The following NRXN1 variants were observed in gnomAD, a reference collection of about 807,000 sequenced individuals.
NRXN1 encodes the protein neurexin-1.
NRXN1 carries 39 observed loss-of-function variants against 150.9 expected under a neutral mutation model. That is an observed-to-expected ratio of 0.26 (90% CI 0.20 to 0.34). The LOEUF is 0.34. NRXN1 is among the 10% of genes least tolerant of loss of function. The pLI is 1.00. For synonymous variants in NRXN1, 924 were observed against 757.0 expected (o/e 1.22, Z -3.62); for missense variants, 1,815 against 1,949.9 (o/e 0.93, Z 1.30).
At chr2:50,431,109 C>T (rs2084928674) in intron 17 of NRXN1, among the ~76,000 whole-genome samples, 1 of 152,128 alleles carries the variant, frequency 6.6e-6, no homozygotes, top group African/African-American at 2.4e-5. Context: ...CTTATTAACC[C>T]CTTTCTACCT....
At position 50,531,856 on chromosome 2, in the gene NRXN1, G is replaced by C. The variant is rs934660865; in HGVS notation, c.2144-426C>G. 7.2e-5 allele frequency among the ~76,000 whole-genome samples: 11 copies of C among 151,920 alleles called. No individual in the cohort carries two copies. In the East Asian group the frequency reaches 2.0e-3, roughly 27 times the overall value. On this transcript the variant is annotated intron_variant, in intron 10 of 22. Coordinates refer to ENST00000401669, the MANE Select transcript of NRXN1 (RefSeq NM_001330078.2). ...TTGTTTTTGTTTGGGTTTTGTTGTTGTTTGTTTGTTTGAGACAAGGTCTGT... is the reference window on the plus strand; with the variant it reads ...TTGTTTTTGTTTGGGTTTTGTTGTTCTTTGTTTGTTTGAGACAAGGTCTGT...
At chr2:50,699,716 C>T (rs1426085368) in intron 5 of NRXN1, among the ~76,000 whole-genome samples, 3 of 152,064 alleles carry the variant, frequency 2.0e-5, no homozygotes, top group Non-Finnish European at 4.4e-5. Context: ...CAGAAAGGAA[C>T]ATGGCCCTGC....
At chr2:50,748,803 C>T (rs1700271004) in intron 5 of NRXN1, among the ~76,000 whole-genome samples, 1 of 152,054 alleles carries the variant, frequency 6.6e-6, no homozygotes, top group South Asian at 2.1e-4. Flanking sequence ...GTCAAGAGAC[C>T]CACAAATCAG....
intron 17 of NRXN1, among the ~76,000 whole-genome samples, chr2:50,380,448 T>A (rs1170422661): frequency 6.6e-6 from 1 of 152,132 alleles, no homozygotes; most frequent in South Asian, 2.1e-4. Flanking sequence ...TTCTTTTTTA[T>A]ATATTTGTAT....
At chr2:49,925,465 T>C (rs906679916) in intron 22 of NRXN1, among the ~76,000 whole-genome samples, 20 of 152,124 alleles carry the variant, frequency 1.3e-4, no homozygotes, top group African/African-American at 4.8e-4. Flanking sequence ...TTTATATTAA[T>C]GTAAATGTAG....
intron 5 of NRXN1, among the ~76,000 whole-genome samples, chr2:50,850,227 G>C (rs1171052204): frequency 7.5e-6 from 1 of 133,798 alleles, no homozygotes; most frequent in Non-Finnish European, 1.6e-5. Flanking sequence ...GACCTGTCTC[G>C]ACAGAAAAAA....
At chr2:50,145,950 G>A (rs1160540866) in intron 18 of NRXN1, among the ~76,000 whole-genome samples, 1 of 151,248 alleles carries the variant, frequency 6.6e-6, no homozygotes, top group African/African-American at 2.4e-5. Flanking sequence ...AGTAGTCTAG[G>A]GATGACAAAT....
intron 5 of NRXN1, among the ~76,000 whole-genome samples, chr2:50,874,196 C>G (rs953491312): frequency 6.6e-6 from 1 of 151,826 alleles, no homozygotes; most frequent in East Asian, 1.9e-4. Context: ...CAGATGCCAT[C>G]TTGATTTAGG....
intron 5 of NRXN1, among the ~76,000 whole-genome samples, chr2:50,901,590 T>G (rs1443272028): frequency 6.6e-6 from 1 of 152,128 alleles, no homozygotes; most frequent in Non-Finnish European, 1.5e-5. Context: ...GCTTTCAAAG[T>G]TCCCCACCTG....
intron 5 of NRXN1, among the ~76,000 whole-genome samples, chr2:50,762,538 A>T (rs1280529985): frequency 2.6e-5 from 4 of 151,658 alleles, no homozygotes; most frequent in Admixed American, 2.6e-4. Flanking sequence ...TGTCATCTTT[A>T]TGTCCATAGG....
At chr2:50,779,308 A>G (rs1185262238) in intron 5 of NRXN1, among the ~76,000 whole-genome samples, 2 of 152,154 alleles carry the variant, frequency 1.3e-5, no homozygotes, top group East Asian at 3.9e-4. Context: ...GCTGAGAATG[A>G]TGGTTTTTCA....
At chr2:50,302,912 GCCATCCATCCATCCAT>G (rs10540394) in intron 17 of NRXN1, among the ~76,000 whole-genome samples, 1 of 151,390 alleles carries the variant, frequency 6.6e-6, no homozygotes, top group Non-Finnish European at 1.5e-5. Flanking sequence ...AGTCTACCAG[GCCATCCATCCATCCAT>G]CCATCCATCC....
intron 17 of NRXN1, among the ~76,000 whole-genome samples, chr2:50,446,417 T>A (rs2086407482): frequency 7.7e-6 from 1 of 129,948 alleles, no homozygotes. Flanking sequence ...CCTTCCTTCC[T>A]TCCCTCCTTC....
intron 18 of NRXN1, among the ~76,000 whole-genome samples, chr2:50,142,989 A>T (rs1707489630): frequency 6.6e-6 from 1 of 151,950 alleles, no homozygotes; most frequent in Non-Finnish European, 1.5e-5. Context: ...AAAAACTAAG[A>T]AAAAATAATA....
intron 17 of NRXN1, among the ~76,000 whole-genome samples, chr2:50,399,345 T>A (rs773230036): frequency 1.3e-5 from 2 of 152,282 alleles, no homozygotes; most frequent in Non-Finnish European, 2.9e-5. Context: ...TATTTTCAAA[T>A]GTTTCTGGAA....
intron 17 of NRXN1, among the ~76,000 whole-genome samples, chr2:50,285,168 A>C (rs2071967675): frequency 6.6e-6 from 1 of 152,240 alleles, no homozygotes; most frequent in South Asian, 2.1e-4. Context: ...AAACAAGAAC[A>C]AACATGGTGT....
chr2:50,336,676 T>C (rs932659959), intron 17 of NRXN1, among the ~76,000 whole-genome samples: 1 of 152,198 alleles, frequency 6.6e-6, no homozygotes, highest in Non-Finnish European at 1.5e-5. Context: ...GTAGGGAAAG[T>C]ATTTGCCATC....
intron 5 of NRXN1, among the ~76,000 whole-genome samples, chr2:50,699,420 T>C (rs1299579595): frequency 6.6e-6 from 1 of 152,082 alleles, no homozygotes; most frequent in African/African-American, 2.4e-5. Context: ...GATCAACTCA[T>C]TGCATGAGTT....
At chr2:50,197,925 CTT>C (rs1383520586) in intron 18 of NRXN1, among the ~76,000 whole-genome samples, 1 of 152,170 alleles carries the variant, frequency 6.6e-6, no homozygotes, top group Non-Finnish European at 1.5e-5. Context: ...ATTTGCCACT[CTT>C]TTCCTTCAAC....
Sources: allele counts gnomAD v4.1 joint callset (sites outside exome capture counted in the v4.1 genomes callset), GRCh38; gene constraint gnomAD v4.1.1; transcripts MANE v1.5; gene names NCBI Gene and HGNC (gene_info 2026-07-23, HGNC 2026-07-21).